Variants in GSE1 observed in about 807,000 individuals in gnomAD.
GSE1 encodes Gse1 coiled-coil protein.
In GSE1, 32 loss-of-function variants were observed where a neutral mutation model predicts 112.6. The ratio of observed to expected loss-of-function variants is 0.28; its 90% CI spans 0.21 to 0.38. GSE1 has a LOEUF of 0.38. Ranked by LOEUF, GSE1 falls within the 10% of genes least tolerant of loss-of-function variation. The pLI, the probability that GSE1 is intolerant of heterozygous loss-of-function variation, is 1.00. For synonymous variants in GSE1, 1,115 were observed against 735.6 expected (o/e 1.52, Z -8.35); for missense variants, 2,348 against 1,699.2 (o/e 1.38, Z -6.71).
At chr16:85,530,169 C>T (rs1327178961) in intron 2 of GSE1, among the ~76,000 whole-genome samples, 3 of 152,220 alleles carry the variant, frequency 2.0e-5, no homozygotes, top group Non-Finnish European at 2.9e-5. Flanking sequence ...CCAGCTCAGC[C>T]GTCTGCCTTG....
intron 2 of GSE1, among the ~76,000 whole-genome samples, chr16:85,505,036 C>T (rs945092945): frequency 6.6e-6 from 1 of 152,194 alleles, no homozygotes; most frequent in Non-Finnish European, 1.5e-5. Context: ...CACACAGCCC[C>T]ACGTGACCCA....
intron 2 of GSE1, among the ~76,000 whole-genome samples, chr16:85,445,315 A>C (rs962996181): frequency 2.2e-4 from 34 of 152,282 alleles, no homozygotes; most frequent in African/African-American, 7.2e-4. Flanking sequence ...GTGTGCTGCT[A>C]CCTGCTCCAG....
chr16:85,614,630 G>T (rs2048253337), intron 1 of GSE1, among the ~76,000 whole-genome samples: 1 of 152,236 alleles, frequency 6.6e-6, no homozygotes, highest in Admixed American at 6.5e-5. Context: ...TCCGAGGGCA[G>T]CGTGCTGGCG....
intron 1 of GSE1, among the ~76,000 whole-genome samples, chr16:85,349,226 C>T (rs913632661): frequency 1.3e-5 from 2 of 152,258 alleles, no homozygotes; most frequent in Admixed American, 6.5e-5. Flanking sequence ...CCCCCTGACC[C>T]GAAGCCTTAT....
chr16:85,377,215 A>ATT, intron 2 of GSE1, among the ~76,000 whole-genome samples: 1 of 152,130 alleles, frequency 6.6e-6, no homozygotes, highest in African/African-American at 2.4e-5. Context: ...ACAGAAGAAC[A>ATT]TCTCTCTGTG....
chr16:85,384,860 T>A (rs2047650855), intron 2 of GSE1, among the ~76,000 whole-genome samples: 2 of 152,208 alleles, frequency 1.3e-5, no homozygotes, highest in East Asian at 1.9e-4. Flanking sequence ...CCTGTCCGAG[T>A]CTTGCTGGGC....
chr16:85,581,186 C>T (rs2046434359), intron 1 of GSE1, among the ~76,000 whole-genome samples: 1 of 152,212 alleles, frequency 6.6e-6, no homozygotes, highest in Admixed American at 6.5e-5. Context: ...AGCTCTCCAG[C>T]CTCCTTCAGA....
chr16:85,237,106 A>C (rs1904743642), intron 1 of GSE1, among the ~76,000 whole-genome samples: 1 of 152,156 alleles, frequency 6.6e-6, no homozygotes, highest in Non-Finnish European at 1.5e-5. Flanking sequence ...TGGGTGAATC[A>C]CAAGGTCAGG....
At chr16:85,323,106 C>T (rs545971549) in intron 1 of GSE1, among the ~76,000 whole-genome samples, 3 of 152,052 alleles carry the variant, frequency 2.0e-5, no homozygotes, top group East Asian at 3.9e-4. Flanking sequence ...TGTTTCTGAC[C>T]GTTTGTGGTT....
intron 1 of GSE1, among the ~76,000 whole-genome samples, chr16:85,228,475 C>T (rs941083223): frequency 6.6e-6 from 1 of 152,158 alleles, no homozygotes; most frequent in African/African-American, 2.4e-5. Flanking sequence ...GTTTGAACCC[C>T]CACCCTGCTG....
intron 2 of GSE1, among the ~76,000 whole-genome samples, chr16:85,404,931 GGATAATCCTCACTGTTACTCTCAGGC>G: frequency 4.2e-5 from 1 of 23,628 alleles, no homozygotes; most frequent in African/African-American, 3.1e-4. Context: ...AGGCCCCCCT[GGATAATCCTCACTGTTACTCTCAGGC>G]CCCCCGGATA....
At chr16:85,477,128 A>G (rs1340905769) in intron 2 of GSE1, among the ~76,000 whole-genome samples, 2 of 151,994 alleles carry the variant, frequency 1.3e-5, no homozygotes, top group African/African-American at 2.4e-5. Flanking sequence ...GGGTTTCGCC[A>G]TGTTGGCCAG....
At chr16:85,469,252 TAAAA>T (rs58566689) in intron 2 of GSE1, among the ~76,000 whole-genome samples, 1 of 144,840 alleles carries the variant, frequency 6.9e-6, no homozygotes, top group Admixed American at 6.9e-5. Context: ...AAACTCCATC[TAAAA>T]AAAAAAAAGA....
At chr16:85,207,145 A>G (rs1216734787) in intron 1 of GSE1, among the ~76,000 whole-genome samples, 1 of 151,982 alleles carries the variant, frequency 6.6e-6, no homozygotes, top group Non-Finnish European at 1.5e-5. Context: ...CCCACCTAGC[A>G]TCTCCACCTT....
intron 1 of GSE1, among the ~76,000 whole-genome samples, chr16:85,569,939 G>C (rs1196031729): frequency 2.0e-5 from 3 of 152,216 alleles, no homozygotes; most frequent in Non-Finnish European, 4.4e-5. Flanking sequence ...GAGCCCTAGG[G>C]GGTGGAGGTG....
At chr16:85,668,449 G>T in intron 14 of GSE1, 25 bp downstream of exon 14, 1 of 1,491,720 alleles carries the variant, frequency 6.7e-7, no homozygotes, top group South Asian at 1.2e-5. Context: ...GGGAAGAGGG[G>T]GGAGGGGGTC....
chr16:85,484,455 A>G (rs1030961750), intron 2 of GSE1, among the ~76,000 whole-genome samples: 3 of 152,266 alleles, frequency 2.0e-5, no homozygotes, highest in Non-Finnish European at 4.4e-5. Flanking sequence ...TTGAAGGAGT[A>G]AGTAAATAAT....
In GSE1 at chr16:85,663,610, G is replaced by A; in HGVS notation, c.2640G>A (p.Arg880=). The change falls in exon 11 of 16, where the codon AGG becomes AGA. Residue 880 remains arginine (R), a synonymous_variant. Coordinates refer to ENST00000253458, the MANE Select transcript of GSE1 (RefSeq NM_014615.5). ...TGACCCACATCAGCGCTGAGAAGAG[G>A]AAAGGTAGGGCCTCGCCTGGGTAGG... ...FNLTHISAEK[R]KDKERLVEML... 2.5e-6 allele frequency: 4 copies of A among 1,611,416 alleles called. No homozygotes were observed. The highest frequency in any genetic ancestry group is 2.2e-5 in the South Asian group (2 of 90,946).
At chr16:85,296,356 G>A (rs948913715) in intron 1 of GSE1, among the ~76,000 whole-genome samples, 1 of 152,128 alleles carries the variant, frequency 6.6e-6, no homozygotes, top group African/African-American at 2.4e-5. Context: ...TATAATCCCA[G>A]CACTTTGGGA....
Sources: allele counts gnomAD v4.1 joint callset (sites outside exome capture counted in the v4.1 genomes callset), GRCh38; gene constraint gnomAD v4.1.1; transcripts MANE v1.5; gene names NCBI Gene and HGNC (gene_info 2026-07-23, HGNC 2026-07-21).